KCNIP1: variants seen among roughly 807,000 people sequenced by gnomAD.
KCNIP1 encodes the protein A-type potassium channel modulatory protein KCNIP1.
KCNIP1 carries 18 observed loss-of-function variants against 33.0 expected under a neutral mutation model. The observed-to-expected ratio is 0.55, with a 90% confidence interval of 0.38 to 0.81. The LOEUF (loss-of-function observed/expected upper bound fraction) is 0.81, where lower values mean the gene tolerates loss of function less well. Among genes scored for constraint, KCNIP1 ranks in the 30% least tolerant of loss-of-function variants. The probability of loss-of-function intolerance (pLI) is 0.00; values close to 1 mark genes in which losing one functional copy is unlikely to be tolerated. For missense variants in KCNIP1, 238 were observed against 271.6 expected, an observed-to-expected ratio of 0.88 and a Z score of 0.87; for synonymous variants, 93 against 98.3, an observed-to-expected ratio of 0.95 and a Z score of 0.32.
chr5:170,639,523 C>T (rs2279873), intron 1 of KCNIP1: 57,979 of 152,092 alleles, frequency 0.38, 11,886 homozygotes, highest in East Asian at 0.54. Flanking sequence ...TGAGTTACTT[C>T]ATCCCTCCAA....
intron 1 of KCNIP1, among the ~76,000 whole-genome samples, chr5:170,448,053 A>T (rs151126203): frequency 6.6e-6 from 1 of 152,150 alleles, no homozygotes; most frequent in East Asian, 2.0e-4. Flanking sequence ...TCTTAGTAGC[A>T]TCCTGACCCT....
intron 1 of KCNIP1, among the ~76,000 whole-genome samples, chr5:170,369,119 T>A (rs1402284689): frequency 3.3e-5 from 5 of 152,248 alleles, no homozygotes; most frequent in Non-Finnish European, 7.3e-5. Context: ...GTATAGTATT[T>A]AAGGGCATAA....
chr5:170,703,359 G>A lies in KCNIP1; in HGVS notation c.62-15399G>A, dbSNP rs528063164. Among the ~76,000 whole-genome samples, 9 of 138,274 alleles carry A rather than the reference G, an allele frequency of 6.5e-5. 2 individuals carry two copies. The South Asian group carries it at 8.1e-4, about 12-fold the overall frequency. 90.7% of individuals were successfully genotyped at this position (138,274 alleles called of 152,430 possible). A position where few individuals can be genotyped will look rare whatever the true frequency, so the allele number is the denominator to read the frequency against. On this transcript the variant is annotated intron_variant, in intron 1 of 7. Coordinates refer to ENST00000328939, the MANE Select transcript of KCNIP1 (RefSeq NM_014592.4). ...TGTAATAGGGAGTAGTGGGGACTGCGGTTTAATTGTTGCCGTGTGGGAATG... is the reference window on the plus strand; with the variant it reads ...TGTAATAGGGAGTAGTGGGGACTGCAGTTTAATTGTTGCCGTGTGGGAATG...
chr5:170,570,407 T>G (rs755126136), intron 1 of KCNIP1, among the ~76,000 whole-genome samples: 1 of 152,178 alleles, frequency 6.6e-6, no homozygotes, highest in Non-Finnish European at 1.5e-5. Flanking sequence ...AAATGCACGC[T>G]GTTACACTTC....
At chr5:170,529,903 G>A (rs971769025) in intron 1 of KCNIP1, among the ~76,000 whole-genome samples, 1 of 151,796 alleles carries the variant, frequency 6.6e-6, no homozygotes, top group Non-Finnish European at 1.5e-5. Flanking sequence ...ACCCTTCCAG[G>A]CCTTTCTTCT....
chr5:170,365,654 C>A (rs889555232), intron 1 of KCNIP1, among the ~76,000 whole-genome samples: 12 of 152,212 alleles, frequency 7.9e-5, no homozygotes, highest in Admixed American at 3.3e-4. Context: ...AGCTGGCTTC[C>A]ATGGCTGTGT....
intron 1 of KCNIP1, among the ~76,000 whole-genome samples, chr5:170,600,652 A>G (rs1561710728): frequency 6.6e-6 from 1 of 152,164 alleles, no homozygotes; most frequent in East Asian, 1.9e-4. Context: ...CATGTCATTC[A>G]TGGCTGTCTC....
intron 1 of KCNIP1, among the ~76,000 whole-genome samples, chr5:170,656,064 C>A (rs1156575571): frequency 6.6e-6 from 1 of 152,148 alleles, no homozygotes; most frequent in Non-Finnish European, 1.5e-5. Context: ...CTCTTGCCAA[C>A]CTGCCTTCCG....
At chr5:170,466,591 GTGGCT>G in intron 1 of KCNIP1, among the ~76,000 whole-genome samples, 1 of 152,208 alleles carries the variant, frequency 6.6e-6, no homozygotes, top group Non-Finnish European at 1.5e-5. Flanking sequence ...CATAGCCTGA[GTGGCT>G]TATAAACCAC....
chr5:170,384,048 G>A (rs754881310), intron 1 of KCNIP1, among the ~76,000 whole-genome samples: 2 of 152,170 alleles, frequency 1.3e-5, no homozygotes, highest in African/African-American at 2.4e-5. Flanking sequence ...AAGCTGGATG[G>A]GGTCTTAGAC....
intron 1 of KCNIP1, among the ~76,000 whole-genome samples, chr5:170,529,867 C>T (rs1755719175): frequency 6.6e-6 from 1 of 152,216 alleles, no homozygotes. Flanking sequence ...GCAATATGGT[C>T]TTCCCCGAGA....
chr5:170,631,630 G>T (rs965052433), intron 1 of KCNIP1, among the ~76,000 whole-genome samples: 1 of 152,194 alleles, frequency 6.6e-6, no homozygotes, highest in Non-Finnish European at 1.5e-5. Flanking sequence ...GCTGGCTTAT[G>T]TATTTGTCAT....
chr5:170,447,759 G>A (rs772139340), intron 1 of KCNIP1, among the ~76,000 whole-genome samples: 2 of 151,672 alleles, frequency 1.3e-5, no homozygotes, highest in African/African-American at 4.8e-5. Flanking sequence ...TCACTTAATC[G>A]ATCCCTTTTC....
chr5:170,559,331 C>T (rs1205770293), intron 1 of KCNIP1, among the ~76,000 whole-genome samples: 1 of 152,184 alleles, frequency 6.6e-6, no homozygotes, highest in African/African-American at 2.4e-5. Context: ...TATGTCAAAT[C>T]GCCTACAAAG....
At chr5:170,733,126 T>C (rs928286250) in intron 6 of KCNIP1, among the ~76,000 whole-genome samples, 1 of 152,232 alleles carries the variant, frequency 6.6e-6, no homozygotes, top group African/African-American at 2.4e-5. Context: ...GCTAGTGGTA[T>C]AGTATGAACT....
chr5:170,511,738 G>A (rs1332497084), intron 1 of KCNIP1, among the ~76,000 whole-genome samples: 4 of 152,206 alleles, frequency 2.6e-5, no homozygotes, highest in South Asian at 4.1e-4. Context: ...GGAACCTGAG[G>A]CTCTAAAAAG....
At chr5:170,563,918 G>A (rs1310888435) in intron 1 of KCNIP1, among the ~76,000 whole-genome samples, 5 of 152,184 alleles carry the variant, frequency 3.3e-5, no homozygotes, top group Admixed American at 6.5e-5. Context: ...GATTACAAGC[G>A]TGAGCCACTG....
intron 1 of KCNIP1, among the ~76,000 whole-genome samples, chr5:170,540,641 T>G (rs1271990725): frequency 6.6e-6 from 1 of 152,236 alleles, no homozygotes; most frequent in Non-Finnish European, 1.5e-5. Context: ...CAGGATGCAC[T>G]GTGGCCCATG....
At chr5:170,408,215 G>C (rs909840625) in intron 1 of KCNIP1, among the ~76,000 whole-genome samples, 1 of 152,152 alleles carries the variant, frequency 6.6e-6, no homozygotes. Flanking sequence ...GATAAAAGAT[G>C]GTTACTAGAT....
Sources: allele counts gnomAD v4.1 joint callset (sites outside exome capture counted in the v4.1 genomes callset), GRCh38; gene constraint gnomAD v4.1.1; transcripts MANE v1.5; gene names NCBI Gene and HGNC (gene_info 2026-07-23, HGNC 2026-07-21).